Variants in GSE1 observed in about 807,000 individuals in gnomAD.
GSE1 encodes genetic suppressor element 1.
A neutral mutation model predicts 112.6 loss-of-function variants in GSE1; 32 were observed. The observed-to-expected ratio is 0.28, with a 90% CI of 0.21 to 0.38. The LOEUF (loss-of-function observed/expected upper bound fraction) is 0.38, where lower values mean the gene tolerates loss of function less well. Ranked by LOEUF, GSE1 falls within the 10% of genes least tolerant of loss-of-function variation. The probability of loss-of-function intolerance (pLI) is 1.00; values close to 1 mark genes in which losing one functional copy is unlikely to be tolerated. For missense variants in GSE1, 2,348 were observed against 1,699.2 expected (o/e 1.38, Z -6.71); for synonymous variants, 1,115 against 735.6 (o/e 1.52, Z -8.35).
intron 2 of GSE1, among the ~76,000 whole-genome samples, chr16:85,469,431 C>G (rs981539726): frequency 6.6e-6 from 1 of 152,170 alleles, no homozygotes; most frequent in African/African-American, 2.4e-5. Flanking sequence ...AGGAAGGACC[C>G]TCCTGAAGAG....
At chr16:85,178,664 G>T (rs2074517955) in intron 1 of GSE1, among the ~76,000 whole-genome samples, 1 of 152,026 alleles carries the variant, frequency 6.6e-6, no homozygotes, top group South Asian at 2.1e-4. Context: ...CCAGGTTTCA[G>T]CCTGTGTTTA....
At chr16:85,446,636 A>T (rs1388484656) in intron 2 of GSE1, among the ~76,000 whole-genome samples, 1 of 152,138 alleles carries the variant, frequency 6.6e-6, no homozygotes, top group African/African-American at 2.4e-5. Context: ...TGGGTGGCTC[A>T]GTAGACGCCA....
rs558573378 is a variant in GSE1, at chr16:85,331,749, C to T, written c.2284-25714C>T. On this transcript the variant is annotated intron_variant, in intron 1 of 2. Coordinates refer to the GSE1 transcript ENST00000637419. ...TTTTAGTTAAGATGGGGTTTCACCA[C>T]GTTGCCCAGGCTGGTCTCAAACTCC... Among the ~76,000 whole-genome samples the T allele has an allele frequency of 2.4e-4, 32 of 133,276 alleles. No homozygotes were observed. In the East Asian group the frequency reaches 7.0e-3, roughly 29 times the overall value. 87.4% of individuals were successfully genotyped at this position (133,276 alleles called of 152,430 possible).
intron 2 of GSE1, among the ~76,000 whole-genome samples, chr16:85,389,170 G>C (rs2047774073): frequency 6.6e-6 from 1 of 152,158 alleles, no homozygotes; most frequent in Non-Finnish European, 1.5e-5. Context: ...TCATTAAGAA[G>C]CTGCTAGGGG....
At chr16:85,291,167 A>T (rs948420839) in intron 1 of GSE1, among the ~76,000 whole-genome samples, 2 of 152,188 alleles carry the variant, frequency 1.3e-5, no homozygotes, top group Admixed American at 1.3e-4. Context: ...TGTAGTGGGT[A>T]TGTCCCTCAC....
chr16:85,257,170 G>A (rs1907174947), intron 1 of GSE1, among the ~76,000 whole-genome samples: 1 of 152,060 alleles, frequency 6.6e-6, no homozygotes, highest in East Asian at 1.9e-4. Context: ...GTGCAGTGGC[G>A]CGATCTCGGC....
At chr16:85,283,957 G>T (rs982124556) in intron 1 of GSE1, among the ~76,000 whole-genome samples, 1 of 152,162 alleles carries the variant, frequency 6.6e-6, no homozygotes, top group African/African-American at 2.4e-5. Flanking sequence ...ATGTCCTCAG[G>T]CCCATCTCTT....
chr16:85,421,947 C>T (rs566371897), intron 2 of GSE1, among the ~76,000 whole-genome samples: 2 of 152,294 alleles, frequency 1.3e-5, no homozygotes, highest in South Asian at 2.1e-4. Context: ...GGATCCCGTT[C>T]AGCCCCACAG....
At position 85,419,750 on chromosome 16, in the gene GSE1, G is replaced by C. The variant is rs887258180; in HGVS notation, c.2464+62107G>C. Among the ~76,000 whole-genome samples the C allele has an allele frequency of 6.6e-6, 1 of 152,062 alleles. No homozygotes were observed. The highest frequency in any genetic ancestry group is 1.5e-5 in the Non-Finnish European group (1 of 68,002). On this transcript the variant is annotated intron_variant, in intron 2 of 2. Transcript: ENST00000637419. This position sits in a 1 kb window ranked among gnomAD's most constrained non-coding sequence, Gnocchi z 6.5. The stretch of plus-strand genomic sequence containing the variant: ...ATCTCTAAAAACCCCTCTGATGCCT[G>C]CCTCCCCCGCCCCGCCCCCACCCCT...
intron 1 of GSE1, among the ~76,000 whole-genome samples, chr16:85,229,110 T>G (rs1437341680): frequency 6.6e-6 from 1 of 152,070 alleles, no homozygotes; most frequent in African/African-American, 2.4e-5. Flanking sequence ...AGCGTGGGGG[T>G]GGCGGCATCG....
In GSE1 at chr16:85,410,608, TTA is replaced by T. The variant is rs1316785957; in HGVS notation, c.2464+52966_2464+52967del. 8.0e-4 allele frequency among the ~76,000 whole-genome samples: 2 copies of T among 2,496 alleles called. 1 individual carries two copies. Among genetic ancestry groups the T allele is most frequent in the Non-Finnish European group, 1.5e-3 (2 of 1,296 alleles). The allele number at this position is 2,496 out of a possible 152,430, so 1.6% of individuals were successfully genotyped here. On this transcript the variant is annotated intron_variant, in intron 2 of 2. Coordinates refer to the GSE1 transcript ENST00000637419. Reference sequence around the variant, plus strand: ...TACACTCAGGCCCCCCGGATAATCCTTACTGTTACACTCAGGCCCCCGGATAA... The same window carrying T: ...TACACTCAGGCCCCCCGGATAATCCTCTGTTACACTCAGGCCCCCGGATAA...
chr16:85,485,201 G>A (rs1216127134), intron 2 of GSE1, among the ~76,000 whole-genome samples: 2 of 152,258 alleles, frequency 1.3e-5, no homozygotes, highest in African/African-American at 4.8e-5. Context: ...GCCTGTGCCC[G>A]GAGATAGGCA....
chr16:85,309,408 C>A (rs1286295916), intron 1 of GSE1, among the ~76,000 whole-genome samples: 1 of 152,026 alleles, frequency 6.6e-6, no homozygotes, highest in African/African-American at 2.4e-5. Context: ...GCAGGAGGAT[C>A]GCTTGAACCC....
intron 2 of GSE1, 126 bp from the exon 3 acceptor site, chr16:85,648,426 C>A: frequency 1.7e-6 from 1 of 599,512 alleles, no homozygotes. Context: ...GCCCATGAGG[C>A]TGGTAGACCT....
At chr16:85,391,559 T>A (rs548444934) in intron 2 of GSE1, among the ~76,000 whole-genome samples, 1 of 152,356 alleles carries the variant, frequency 6.6e-6, no homozygotes, top group South Asian at 2.1e-4. Context: ...CTCCAGTGTC[T>A]GCGGTCATCA....
chr16:85,202,738 G>A (rs1037783419), intron 1 of GSE1, among the ~76,000 whole-genome samples: 5 of 152,246 alleles, frequency 3.3e-5, no homozygotes, highest in African/African-American at 1.2e-4. Context: ...ATCGCACCCA[G>A]CTCCCTGTGT....
chr16:85,176,991 T>TGGCTGG (rs1218404591), intron 1 of GSE1, among the ~76,000 whole-genome samples: 1 of 152,242 alleles, frequency 6.6e-6, no homozygotes, highest in Non-Finnish European at 1.5e-5. Context: ...GGAGGCAGCC[T>TGGCTGG]GGCTGGGGCT....
At chr16:85,611,516 C>T (rs980874216), upstream of GSE1, 15 of 981,040 alleles carry the variant, frequency 1.5e-5, no homozygotes, top group Admixed American at 6.1e-5. Context: ...GTGCCAGGGC[C>T]GGCCAGCGTC....
Position 85,672,653 on chromosome 16 carries a change from C to A in GSE1, c.*114C>A. The A allele has an allele frequency of 1.4e-6, 1 of 701,738 alleles. No homozygotes were observed. The highest frequency in any genetic ancestry group is 2.1e-6 in the Non-Finnish European group (1 of 465,670). The allele number at this position is 701,738 out of a possible 1,614,324, so 43.5% of individuals were successfully genotyped here. On this transcript the variant is annotated 3_prime_UTR_variant, in exon 16 of 16. Transcript: ENST00000253458. ...TTGAAGCTTACAAAATGAGAATGTG[C>A]CATGCATGAAGCAAAGGATTCCAGG... is the stretch of plus-strand genomic sequence containing the variant.
Sources: gnomAD v4.1 joint callset for allele counts (sites outside exome capture counted in the v4.1 genomes callset) on GRCh38, gnomAD v4.1.1 for gene constraint, Gnocchi (gnomAD v3.1) non-coding constraint, MANE v1.5 for transcripts, NCBI Gene and HGNC (gene_info 2026-07-23, HGNC 2026-07-21) for gene names.